GALNT17: variants seen among roughly 807,000 people sequenced by gnomAD.
GALNT17 encodes the protein UDP-GalNAc:polypeptide N-acetylgalactosaminyltransferase-like 3.
Under a neutral mutation model 63.7 loss-of-function variants are expected in GALNT17, and 29 were observed. The observed-to-expected ratio is 0.46, with a 90% CI of 0.34 to 0.62. The LOEUF is 0.62. Ranked by LOEUF, GALNT17 falls within the 20% of genes least tolerant of loss-of-function variation. GALNT17 has a pLI of 0.01. For missense variants in GALNT17, 603 were observed against 799.6 expected (o/e 0.75, Z 2.97); for synonymous variants, 305 against 318.3 (o/e 0.96, Z 0.45).
chr7:71,492,905 G>A (rs1007834172), intron 5 of GALNT17, among the ~76,000 whole-genome samples: 2 of 152,186 alleles, frequency 1.3e-5, no homozygotes, highest in Non-Finnish European at 2.9e-5. Context: ...AGATTTGGGG[G>A]CCAGGGGATC....
chr7:71,425,986 G>C (rs773337516), intron 5 of GALNT17, among the ~76,000 whole-genome samples: 12 of 152,134 alleles, frequency 7.9e-5, no homozygotes, highest in Non-Finnish European at 2.9e-5. Flanking sequence ...AGGAAGAAGA[G>C]AGAAGGAGAA....
chr7:71,710,955 AC>A lies in GALNT17; in HGVS notation c.1668+30del, dbSNP rs755090055. 20 of 1,608,868 alleles carry A rather than the reference AC, an allele frequency of 1.2e-5. No homozygotes were observed. The African/African-American group carries it at 1.9e-4, about 15-fold the overall frequency. On this transcript the variant is annotated intron_variant, in intron 10 of 10. Coordinates refer to ENST00000333538, the MANE Select transcript of GALNT17 (RefSeq NM_022479.3). ...TGAGTGCTGTATGGACAGAGCCAGC[AC>A]CCAGAGTAGCTGCAAGAGGCTGCAG...
chr7:71,554,759 C>T (rs556767635), intron 5 of GALNT17, among the ~76,000 whole-genome samples: 14 of 152,314 alleles, frequency 9.2e-5, no homozygotes, highest in Admixed American at 3.3e-4. Context: ...TGAATTCCAA[C>T]GTGAGCAGTA....
In GALNT17 at chr7:71,683,727, G is replaced by T. The variant is rs183785162; in HGVS notation, c.1500+6421G>T. Among the ~76,000 whole-genome samples the T allele has an allele frequency of 3.2e-3, 486 of 152,252 alleles. 1 individual carries two copies. The highest frequency in any genetic ancestry group is 0.011 in the African/African-American group (464 of 41,554). ...TTTTATTTAAAAATAGAATGTCAAG[G>T]CTGGGCGCACTGGCTCACGCTTGTA... On this transcript the variant is annotated intron_variant, in intron 9 of 10. Transcript: ENST00000333538.
intron 1 of GALNT17, among the ~76,000 whole-genome samples, chr7:71,239,654 G>A (rs1432228466): frequency 1.3e-5 from 2 of 152,124 alleles, no homozygotes; most frequent in African/African-American, 2.4e-5. Flanking sequence ...CTGATTTCAC[G>A]AAGCAGGGCT....
intron 6 of GALNT17, among the ~76,000 whole-genome samples, chr7:71,664,484 A>G (rs990590919): frequency 2.6e-5 from 4 of 152,140 alleles, no homozygotes; most frequent in African/African-American, 9.7e-5. Context: ...GGAGGCACGT[A>G]CCTGTAGTCC....
chr7:71,406,954 GA>G (rs1203412097), intron 3 of GALNT17, among the ~76,000 whole-genome samples: 20 of 152,068 alleles, frequency 1.3e-4, no homozygotes, highest in Admixed American at 1.3e-4. Context: ...CTGAAAAAAA[GA>G]AAAAAAGAGA....
intron 5 of GALNT17, among the ~76,000 whole-genome samples, chr7:71,564,373 T>A (rs1789306232): frequency 7.2e-6 from 1 of 137,988 alleles, no homozygotes; most frequent in South Asian, 2.5e-4. Flanking sequence ...TACAACCTCC[T>A]CCTCCCAGGT....
chr7:71,375,293 C>T lies in GALNT17; in HGVS notation c.423-12942C>T, dbSNP rs183844238. On this transcript the variant is annotated intron_variant, in intron 2 of 10. Coordinates refer to ENST00000333538, the MANE Select transcript of GALNT17 (RefSeq NM_022479.3). ...TTGGGCAGAACAGTAAAAGGAAAAT[C>T]GGCTCATTTGGTAATACGTTTCTCA... Among the ~76,000 whole-genome samples the T allele has an allele frequency of 4.4e-4, 67 of 152,258 alleles. 3 individuals carry two copies. In the South Asian group the frequency reaches 5.0e-3, roughly 11 times the overall value.
chr7:71,339,890 T>G (rs888390341), intron 2 of GALNT17, among the ~76,000 whole-genome samples: 1 of 151,942 alleles, frequency 6.6e-6, no homozygotes, highest in African/African-American at 2.4e-5. Flanking sequence ...ATTAAAATGA[T>G]AGCAAAGGAA....
chr7:71,331,881 TA>T (rs1791814090), intron 1 of GALNT17, among the ~76,000 whole-genome samples: 1 of 152,196 alleles, frequency 6.6e-6, no homozygotes, highest in Non-Finnish European at 1.5e-5. Flanking sequence ...GAGTACTGAA[TA>T]AATGGTTGCT....
At chr7:71,228,808 T>C (rs904656213) in intron 1 of GALNT17, among the ~76,000 whole-genome samples, 1 of 152,210 alleles carries the variant, frequency 6.6e-6, no homozygotes, top group African/African-American at 2.4e-5. Flanking sequence ...GAGCCCTAAC[T>C]TGATCACATT....
chr7:71,462,776 C>T (rs1049818229), intron 5 of GALNT17, among the ~76,000 whole-genome samples: 6 of 152,174 alleles, frequency 3.9e-5, no homozygotes, highest in Non-Finnish European at 2.9e-5. Flanking sequence ...ATCAGATATG[C>T]ATCTATCTCA....
intron 5 of GALNT17, among the ~76,000 whole-genome samples, chr7:71,546,228 A>C (rs772081043): frequency 5.3e-5 from 8 of 150,258 alleles, no homozygotes; most frequent in Non-Finnish European, 1.0e-4. Context: ...TGGCACAATC[A>C]TGGCTCACTG....
Position 71,132,638 on chromosome 7 carries a change from T to G in GALNT17, c.-165T>G. 1.7e-6 allele frequency: 1 copy of G among 602,786 alleles called. No homozygotes were observed. Among genetic ancestry groups the G allele is most frequent in the Non-Finnish European group, 2.9e-6 (1 of 349,668 alleles). 37.3% of individuals were successfully genotyped at this position (602,786 alleles called of 1,614,324 possible). On this transcript the variant is annotated 5_prime_UTR_variant, in exon 1 of 11. Coordinates refer to ENST00000333538, the MANE Select transcript of GALNT17 (RefSeq NM_022479.3). ...CGTTCTCCCCACCACCAATCCGACCTCCCAGCCGTCTCCGCCGCCCGAGCA... is the reference window on the plus strand; with the variant it reads ...CGTTCTCCCCACCACCAATCCGACCGCCCAGCCGTCTCCGCCGCCCGAGCA...
intron 1 of GALNT17, among the ~76,000 whole-genome samples, chr7:71,228,073 A>G (rs1396291156): frequency 6.6e-6 from 1 of 152,150 alleles, no homozygotes; most frequent in Non-Finnish European, 1.5e-5. Context: ...TCTTCAGGAT[A>G]CAGCAAGGCA....
rs556874208 is a variant in GALNT17 at position 71,425,305 on chromosome 7, C to G, written c.962+4200C>G. ...GGGAGCGATCTCGGCTCGCTGCAAC[C>G]TCTGCCTCCCGGGTTCGAGCAATTC... On this transcript the variant is annotated intron_variant, in intron 5 of 10. Transcript: ENST00000333538. 3.9e-5 allele frequency among the ~76,000 whole-genome samples: 6 copies of G among 152,248 alleles called. No homozygotes were observed. In the South Asian group the frequency reaches 1.2e-3, roughly 32 times the overall value.
At chr7:71,627,686 G>C (rs73702239) in intron 6 of GALNT17, among the ~76,000 whole-genome samples, 1 of 152,014 alleles carries the variant, frequency 6.6e-6, no homozygotes, top group Non-Finnish European at 1.5e-5. Flanking sequence ...TTTTTTGTTT[G>C]TTCAAATCAT....
intron 1 of GALNT17, among the ~76,000 whole-genome samples, chr7:71,290,921 A>G (rs1187249912): frequency 6.6e-6 from 1 of 152,194 alleles, no homozygotes; most frequent in Non-Finnish European, 1.5e-5. Context: ...GACCCTGGCG[A>G]CATCACTCAC....
Sources: gnomAD v4.1 joint callset for allele counts (sites outside exome capture counted in the v4.1 genomes callset) on GRCh38, gnomAD v4.1.1 for gene constraint, MANE v1.5 for transcripts, NCBI Gene and HGNC (gene_info 2026-07-23, HGNC 2026-07-21) for gene names.